Variants in NIBAN1 observed in about 807,000 individuals in gnomAD.
NIBAN1 encodes the protein niban apoptosis regulator 1.
A neutral mutation model predicts 75.1 loss-of-function variants in NIBAN1; 81 were observed. The ratio of observed to expected loss-of-function variants is 1.08; its 90% CI spans 0.90 to 1.30. The LOEUF (loss-of-function observed/expected upper bound fraction) is 1.30. Ranked by LOEUF, NIBAN1 falls within the 50% of genes most tolerant of loss-of-function variation. NIBAN1 has a pLI of 0.00. For synonymous variants in NIBAN1, 436 were observed against 424.8 expected, an observed-to-expected ratio of 1.03 and a Z score of -0.32; for missense variants, 1,133 against 1,128.1, an observed-to-expected ratio of 1.00 and a Z score of -0.06.
intron 9 of NIBAN1, among the ~76,000 whole-genome samples, chr1:184,809,848 T>A (rs1654325170): frequency 6.6e-6 from 1 of 152,138 alleles, no homozygotes; most frequent in Admixed American, 6.5e-5. Context: ...GGAAACAGTT[T>A]CATGGGGTAT....
chr1:184,900,235 T>C (rs1196645426), intron 1 of NIBAN1, among the ~76,000 whole-genome samples: 1 of 152,162 alleles, frequency 6.6e-6, no homozygotes, highest in Non-Finnish European at 1.5e-5. Flanking sequence ...TTTAAAATTT[T>C]TGTGTGTGAT....
intron 1 of NIBAN1, among the ~76,000 whole-genome samples, chr1:184,903,231 CCAT>C (rs1168329953): frequency 6.6e-6 from 1 of 152,226 alleles, no homozygotes; most frequent in Non-Finnish European, 1.5e-5. Flanking sequence ...TGATATACCA[CCAT>C]TTTTGGCACA....
intron 1 of NIBAN1, among the ~76,000 whole-genome samples, chr1:184,937,638 T>C (rs1047429001): frequency 6.6e-6 from 1 of 152,128 alleles, no homozygotes; most frequent in African/African-American, 2.4e-5. Context: ...ACACAGTAAA[T>C]GTGACAAACG....
rs370737255 is a variant in NIBAN1, at chr1:184,894,248, A to G, written c.187-42T>C. On this transcript the variant is annotated intron_variant, in intron 2 of 13. Transcript: ENST00000367511. ...ACAATTAACTATCACAACAAAAGAT[A>G]ACACACCTTGTTACCACAAAGTTAT... is the stretch of plus-strand genomic sequence containing the variant. The G allele has an allele frequency of 6.5e-6, 10 of 1,548,754 alleles. No individual in the cohort carries two copies. In the African/African-American group the frequency reaches 1.4e-4, roughly 22 times the overall value.
chr1:184,931,959 C>G (rs1225484687), intron 1 of NIBAN1, among the ~76,000 whole-genome samples: 1 of 152,210 alleles, frequency 6.6e-6, no homozygotes, highest in African/African-American at 2.4e-5. Context: ...CATGTTCTCC[C>G]TTCCTCCAGA....
At chr1:184,900,778 A>G (rs1312236282) in intron 1 of NIBAN1, among the ~76,000 whole-genome samples, 1 of 152,234 alleles carries the variant, frequency 6.6e-6, no homozygotes, top group African/African-American at 2.4e-5. Context: ...ACAGAAAGAA[A>G]CACAGGCTTC....
chr1:184,869,253 T>C (rs1237470980), intron 5 of NIBAN1, among the ~76,000 whole-genome samples: 1 of 152,202 alleles, frequency 6.6e-6, no homozygotes, highest in Non-Finnish European at 1.5e-5. Context: ...TTTATCTTAC[T>C]AGTGGAGATC....
chr1:184,840,659 GACT>G (rs1471153606), intron 5 of NIBAN1, among the ~76,000 whole-genome samples: 1 of 151,206 alleles, frequency 6.6e-6, no homozygotes, highest in Non-Finnish European at 1.5e-5. Flanking sequence ...AGGAAGTGGT[GACT>G]ACTAGAACAA....
intron 1 of NIBAN1, among the ~76,000 whole-genome samples, chr1:184,935,151 T>C (rs531504306): frequency 6.6e-6 from 1 of 152,182 alleles, no homozygotes; most frequent in East Asian, 1.9e-4. Flanking sequence ...TTAGCAAATG[T>C]CACATACTAC....
intron 9 of NIBAN1, among the ~76,000 whole-genome samples, chr1:184,813,891 A>G (rs1253427412): frequency 6.6e-6 from 1 of 152,246 alleles, no homozygotes; most frequent in Non-Finnish European, 1.5e-5. Flanking sequence ...CACCTAGTAC[A>G]TAATTAAAAT....
chr1:184,955,358 T>TTTCCTTTCCTTTCCTTTCCTTTCC (rs1571602561), intron 1 of NIBAN1, among the ~76,000 whole-genome samples: 1 of 150,422 alleles, frequency 6.6e-6, no homozygotes, highest in Non-Finnish European at 1.5e-5. Flanking sequence ...TTTCCTTTCC[T>TTTCCTTTCCTTTCCTTTCCTTTCC]TTTCTTTTTT....
At chr1:184,956,869 A>T (rs1481568190) in intron 1 of NIBAN1, among the ~76,000 whole-genome samples, 1 of 152,232 alleles carries the variant, frequency 6.6e-6, no homozygotes, top group Non-Finnish European at 1.5e-5. Flanking sequence ...ATCACCCTGG[A>T]TAGTGTGATG....
intron 4 of NIBAN1, among the ~76,000 whole-genome samples, chr1:184,886,351 C>T (rs1242980366): frequency 1.3e-5 from 2 of 152,190 alleles, no homozygotes; most frequent in Non-Finnish European, 2.9e-5. Context: ...ACCACTGCTA[C>T]CCACTGTGAA....
chr1:184,891,664 G>A lies in NIBAN1; in HGVS notation c.319-1442C>T, dbSNP rs114728435. 3.8e-3 allele frequency among the ~76,000 whole-genome samples: 586 copies of A among 152,222 alleles called. 2 individuals carry two copies. Among genetic ancestry groups the A allele is most frequent in the African/African-American group, 0.013 (554 of 41,552 alleles). The stretch of plus-strand genomic sequence containing the variant: ...TGACACATCCAGGATTTATATTCAT[G>A]CCTGTCCAGCCCCAGTGCACACAAA... On this transcript the variant is annotated intron_variant, in intron 3 of 13. Coordinates refer to ENST00000367511, the MANE Select transcript of NIBAN1 (RefSeq NM_052966.4).
At chr1:184,823,855 T>C in intron 6 of NIBAN1, 113 bp from the exon 7 acceptor site, 1 of 771,534 alleles carries the variant, frequency 1.3e-6, no homozygotes, top group East Asian at 2.6e-5. Context: ...AGATGAACTC[T>C]GTAGTAGGTT....
rs764514681 is a variant in NIBAN1 at position 184,818,732 on chromosome 1, G to C, written c.1079C>G (p.Ser360Trp). The change falls in exon 9 of 14, where the codon TCG (serine) becomes TGG (tryptophan). Residue 360 changes from serine to tryptophan, a missense_variant. Physicochemically the swap from Ser to Trp is radical, Grantham distance 177. Coordinates refer to ENST00000367511, the MANE Select transcript of NIBAN1 (RefSeq NM_052966.4). ...GAGTACACGTACTTCACTGAATCCC[G>C]AGCTCACTGGTCCCATGAGCTCCTC... ...ILEELMGPVS[S>W]GFSEVRVLFE... 1.2e-6 allele frequency: 2 copies of C among 1,613,356 alleles called. No homozygotes were observed. Among genetic ancestry groups the C allele is most frequent in the Admixed American group, 3.3e-5 (2 of 59,988 alleles).
chr1:184,935,789 G>GT (rs1280017845), intron 1 of NIBAN1, among the ~76,000 whole-genome samples: 1 of 121,830 alleles, frequency 8.2e-6, no homozygotes, highest in Non-Finnish European at 1.9e-5. Context: ...CAAGAGTTAG[G>GT]GTTTTTTTTT....
At chr1:184,879,044 A>G (rs1043636508) in intron 5 of NIBAN1, among the ~76,000 whole-genome samples, 1 of 152,246 alleles carries the variant, frequency 6.6e-6, no homozygotes, top group Non-Finnish European at 1.5e-5. Flanking sequence ...GGCAAAGAGC[A>G]CAGGCTAAAC....
At position 184,795,789 on chromosome 1, in the gene NIBAN1, T is replaced by C. The variant is rs764988642; in HGVS notation, c.1975A>G (p.Arg659Gly). 2.5e-6 allele frequency: 4 copies of C among 1,611,206 alleles called. No individual in the cohort carries two copies. Among genetic ancestry groups the C allele is most frequent in the South Asian group, 2.2e-5 (2 of 90,586 alleles). Residue 659 changes from arginine (R) to glycine (G), a missense_variant, in exon 14 of 14, where the codon AGA (arginine) becomes GGA (glycine). Arg to Gly is a moderately radical substitution (Grantham distance 125). Coordinates refer to ENST00000367511, the MANE Select transcript of NIBAN1 (RefSeq NM_052966.4). ...PDGTEQVIISRVDDPVVNPVA... is the reference protein window; with the variant it reads ...PDGTEQVIISGVDDPVVNPVA... ...GGATTCACCACGGGGTCATCCACTC[T>C]TGAAATAATCACCTGCTCAGTCCCA...
Sources: gnomAD v4.1 joint callset for allele counts (sites outside exome capture counted in the v4.1 genomes callset) on GRCh38, gnomAD v4.1.1 for gene constraint, MANE v1.5 for transcripts, NCBI Gene and HGNC (gene_info 2026-07-23, HGNC 2026-07-21) for gene names.